ZZEF1: variants seen among roughly 807,000 people sequenced by gnomAD.
ZZEF1 encodes zinc finger ZZ-type and EF-hand domain-containing protein 1.
In ZZEF1, 157 loss-of-function variants were observed where a neutral mutation model predicts 342.8. That is an observed-to-expected ratio of 0.46 (90% CI 0.40 to 0.52). ZZEF1 has a LOEUF of 0.52. ZZEF1 is among the 20% of genes least tolerant of loss of function. The pLI is 0.00. For missense variants in ZZEF1, 3,480 were observed against 3,725.6 expected (o/e 0.93, Z 1.72); for synonymous variants, 1,505 against 1,429.1 (o/e 1.05, Z -1.20).
At chr17:4,108,931 G>A (rs2058252880) in intron 6 of ZZEF1, among the ~76,000 whole-genome samples, 1 of 152,082 alleles carries the variant, frequency 6.6e-6, no homozygotes, top group South Asian at 2.1e-4. Context: ...ATCTCTTTTT[G>A]GCTGATACTC....
intron 37 of ZZEF1, among the ~76,000 whole-genome samples, chr17:4,045,911 T>A (rs2056903359): frequency 6.6e-6 from 1 of 151,320 alleles, no homozygotes; most frequent in Non-Finnish European, 1.5e-5. Context: ...CACTGCAAGC[T>A]CCGCCTCCCA....
intron 27 of ZZEF1, 30 bp from the exon 28 acceptor site, chr17:4,066,570 G>T: frequency 6.2e-7 from 1 of 1,604,360 alleles, no homozygotes; most frequent in Non-Finnish European, 8.5e-7. Context: ...ACATCATTAT[G>T]CTGTCCAGGC....
chr17:4,009,778 G>C (rs1347629569), intron 52 of ZZEF1, 21 bp from the exon 53 acceptor site: 1 of 1,611,570 alleles, frequency 6.2e-7, no homozygotes, highest in Admixed American at 1.7e-5. Context: ...AGCCCCGGAG[G>C]TGGTCAGTTT....
chr17:4,118,281 TCATGA>T (rs1452219224), intron 2 of ZZEF1, among the ~76,000 whole-genome samples: 19 of 152,156 alleles, frequency 1.2e-4, no homozygotes, highest in African/African-American at 4.3e-4. Context: ...AGCACCCAGT[TCATGA>T]CAGGCAGTTC....
rs1276832120 is a variant in ZZEF1 at position 4,072,755 on chromosome 17, C to A, written c.3687G>T (p.Gln1229His). 13 of 1,609,160 alleles carry A rather than the reference C, an allele frequency of 8.1e-6. No individual in the cohort carries two copies. The highest frequency in any genetic ancestry group is 1.1e-5 in the Non-Finnish European group (13 of 1,177,460). Residue 1229 changes from glutamine to histidine, a missense_variant and splice_region_variant, in exon 25 of 55, where the codon CAG (glutamine) becomes CAT (histidine). Physicochemically the swap from Gln to His is conservative, Grantham distance 24. This residue lies in a region of ZZEF1 where 1,528 missense variants were observed against 1,624.1 expected (regional missense o/e 0.94). Coordinates refer to ENST00000381638, the MANE Select transcript of ZZEF1 (RefSeq NM_015113.4). ...GAGGTACTACCATGTTACTTCCTAACTCTAGAAAGAGAAGAAGACATATGA... is the reference window on the plus strand; with the variant it reads ...GAGGTACTACCATGTTACTTCCTAAATCTAGAAAGAGAAGAAGACATATGA... ...SQCMALKSVR[Q>H]LGSNMVVPQA...
chr17:4,070,257 A>G (rs2057482704), intron 26 of ZZEF1, among the ~76,000 whole-genome samples: 1 of 152,236 alleles, frequency 6.6e-6, no homozygotes, highest in Non-Finnish European at 1.5e-5. Context: ...TGTGGTTTTA[A>G]TTGGAATTTC....
chr17:4,103,699 C>T (rs964108902), intron 8 of ZZEF1, among the ~76,000 whole-genome samples: 3 of 152,154 alleles, frequency 2.0e-5, no homozygotes, highest in Admixed American at 2.0e-4. Flanking sequence ...GGGAGGACTG[C>T]TTCAGCCTAG....
At chr17:4,022,973 T>A (rs2056308382) in intron 43 of ZZEF1, 145 bp from the exon 44 acceptor site, 2 of 1,137,542 alleles carry the variant, frequency 1.8e-6, no homozygotes, top group Non-Finnish European at 2.4e-6. Context: ...TATGTCACAC[T>A]CCCCTGCTCT....
chr17:4,058,040 TGAG>T lies in ZZEF1; in HGVS notation c.5116_5118del (p.Leu1706del), dbSNP rs1284437477. 6.2e-7 allele frequency: 1 copy of T among 1,614,174 alleles called. No homozygotes were observed. The highest frequency in any genetic ancestry group is 8.5e-7 in the Non-Finnish European group (1 of 1,180,008). ...CTTATATTCTCCTGTGACATTTTCA[TGAG>T]GAGATCTGGTAACTGAATATCAACA... On this transcript the variant is annotated inframe_deletion, in exon 32 of 55. Coordinates refer to ENST00000381638, the MANE Select transcript of ZZEF1 (RefSeq NM_015113.4).
In ZZEF1 at chr17:4,109,690, T is replaced by G. The variant is rs1020687172; in HGVS notation, c.1240A>C (p.Asn414His). 3 of 1,614,120 alleles carry G rather than the reference T, an allele frequency of 1.9e-6. No homozygotes were observed. Among genetic ancestry groups the G allele is most frequent in the Non-Finnish European group, 2.5e-6 (3 of 1,180,002 alleles). Residue 414 changes from asparagine to histidine, a missense_variant, in exon 6 of 55, where the codon AAT becomes CAT. Physicochemically the swap from Asn to His is moderately conservative, Grantham distance 68. Coordinates refer to ENST00000381638, the MANE Select transcript of ZZEF1 (RefSeq NM_015113.4). ...TSLVTASMET[N>H]PAFVQTVLHN... ...AGCACTGTCTGGACAAAGGCGGGAT[T>G]TGTCTCCATAGAAGCCGTCACCAGA...
chr17:4,126,626 G>C (rs1240199519), intron 1 of ZZEF1, among the ~76,000 whole-genome samples: 7 of 152,196 alleles, frequency 4.6e-5, no homozygotes, highest in African/African-American at 9.7e-5. Context: ...AGGTGCTGTG[G>C]AAAGTGGATG....
Position 4,124,062 on chromosome 17 carries a change from A to G in ZZEF1, c.355-11T>C, listed in dbSNP as rs758240109. ...AAACTGGGCAAAGGCCTACAAGATA[A>G]GAGATGCAAGAAAATCAGGGCTGTT... On this transcript the variant is annotated splice_polypyrimidine_tract_variant and intron_variant, in intron 1 of 54. Coordinates refer to ENST00000381638, the MANE Select transcript of ZZEF1 (RefSeq NM_015113.4). 1 of 1,595,352 alleles carries G rather than the reference A, an allele frequency of 6.3e-7. No individual in the cohort carries two copies. Among genetic ancestry groups the G allele is most frequent in the Non-Finnish European group, 8.5e-7 (1 of 1,170,424 alleles).
At chr17:4,094,117 C>T (rs2057992927) in intron 11 of ZZEF1, among the ~76,000 whole-genome samples, 1 of 152,066 alleles carries the variant, frequency 6.6e-6, no homozygotes, top group Non-Finnish European at 1.5e-5. Flanking sequence ...CACACTCTTG[C>T]AGAATGATCT....
Position 4,058,005 on chromosome 17 carries a change from G to A in ZZEF1, c.5154C>T (p.Asp1718=). 1 of 1,614,108 alleles carries A rather than the reference G, an allele frequency of 6.2e-7. No homozygotes were observed. Among genetic ancestry groups the A allele is most frequent in the Non-Finnish European group, 8.5e-7 (1 of 1,179,998 alleles). ...GACCGTGCTCTTACCTGATCACACTGTCATGGACACTTATATTCTCCTGTG... is the reference window on the plus strand; with the variant it reads ...GACCGTGCTCTTACCTGATCACACTATCATGGACACTTATATTCTCCTGTG... ...KMSQENISVH[D]SVISQWSEED... The change falls in exon 32 of 55, where the codon GAC becomes GAT. Residue 1718 remains aspartate (D), a synonymous_variant. Coordinates refer to ENST00000381638, the MANE Select transcript of ZZEF1 (RefSeq NM_015113.4).
At chr17:4,139,721 A>C (rs1048284043) in intron 1 of ZZEF1, among the ~76,000 whole-genome samples, 3 of 152,240 alleles carry the variant, frequency 2.0e-5, no homozygotes, top group African/African-American at 7.2e-5. Flanking sequence ...CCACTGTGAG[A>C]TTATCACAAT....
At chr17:4,125,301 T>A (rs929334627) in intron 1 of ZZEF1, among the ~76,000 whole-genome samples, 2 of 152,314 alleles carry the variant, frequency 1.3e-5, no homozygotes, top group East Asian at 3.9e-4. Flanking sequence ...TAACCCTCTC[T>A]CTTTCTTAAA....
At chr17:4,056,165 C>A in intron 33 of ZZEF1, 51 bp downstream of exon 33, 1 of 1,462,964 alleles carries the variant, frequency 6.8e-7, no homozygotes, top group Non-Finnish European at 9.1e-7. Flanking sequence ...AAACTCTCCT[C>A]TCCAAACTCC....
At chr17:4,032,027 C>T in intron 42 of ZZEF1, 99 bp downstream of exon 42, 1 of 1,320,908 alleles carries the variant, frequency 7.6e-7, no homozygotes, top group East Asian at 2.5e-5. Context: ...AAAAAAATCA[C>T]ACGCAGGCCA....
At chr17:4,094,432 A>G (rs750642574) in intron 11 of ZZEF1, among the ~76,000 whole-genome samples, 7 of 152,112 alleles carry the variant, frequency 4.6e-5, no homozygotes, top group Non-Finnish European at 8.8e-5. Flanking sequence ...TACATGCATG[A>G]GCCACCACAC....
Sources: allele counts gnomAD v4.1 joint callset (sites outside exome capture counted in the v4.1 genomes callset), GRCh38; gene constraint gnomAD v4.1.1; regional missense constraint gnomAD v4.1.1; transcripts MANE v1.5; gene names NCBI Gene and HGNC (gene_info 2026-07-23, HGNC 2026-07-21).